Variants in KIDINS220 observed in about 807,000 individuals in gnomAD.
The protein encoded by KIDINS220 is kinase D interacting substrate 220, also known as kinase D-interacting substrate of 220 kDa.
A neutral mutation model predicts 157.6 loss-of-function variants in KIDINS220; 63 were observed. The observed-to-expected ratio is 0.40, with a 90% CI of 0.33 to 0.49. The LOEUF (loss-of-function observed/expected upper bound fraction) is 0.49. KIDINS220 is among the 20% of genes least tolerant of loss of function. KIDINS220 has a pLI of 0.66. For missense variants in KIDINS220, 1,772 were observed against 2,171.2 expected (o/e 0.82, Z 3.65); for synonymous variants, 732 against 783.6 (o/e 0.93, Z 1.10).
chr2:8,732,542 T>C (rs1467057943), intron 29 of KIDINS220, among the ~76,000 whole-genome samples: 1 of 152,216 alleles, frequency 6.6e-6, no homozygotes, highest in Non-Finnish European at 1.5e-5. Context: ...TTATTTCCAA[T>C]ATTAAGTTTT....
At chr2:8,799,804 G>T (rs372225084) in intron 9 of KIDINS220, among the ~76,000 whole-genome samples, 7 of 152,128 alleles carry the variant, frequency 4.6e-5, no homozygotes, top group African/African-American at 1.7e-4. Context: ...AAATGAAGAC[G>T]CCAAGAACTT....
chr2:8,725,078 A>T (rs951083263), downstream of KIDINS220: 1 of 152,164 alleles, frequency 6.6e-6, no homozygotes, highest in Non-Finnish European at 1.5e-5. Flanking sequence ...ATATATGACA[A>T]CCTAAAAAAA....
At chr2:8,726,852 C>G, downstream of KIDINS220, 1 of 1,163,758 alleles carries the variant, frequency 8.6e-7, no homozygotes, top group Non-Finnish European at 1.1e-6. Flanking sequence ...TGGCATATGA[C>G]TGCAGCTGAC....
At chr2:8,781,142 TATATATATA>T (rs1339761117) in intron 17 of KIDINS220, among the ~76,000 whole-genome samples, 4 of 3,584 alleles carry the variant, frequency 1.1e-3, no homozygotes, top group African/African-American at 4.1e-3. Flanking sequence ...TATTAATTAT[TATATATATA>T]TAATATATAT....
chr2:8,772,337 GT>G (rs1333617654), intron 21 of KIDINS220, among the ~76,000 whole-genome samples: 9 of 151,964 alleles, frequency 5.9e-5, no homozygotes, highest in Admixed American at 1.3e-4. Flanking sequence ...TTAGCCGAGC[GT>G]GGTGGCAGGC....
At chr2:8,725,230 C>T (rs1663204624), downstream of KIDINS220, 1 of 152,130 alleles carries the variant, frequency 6.6e-6, no homozygotes, top group Non-Finnish European at 1.5e-5. Context: ...TAAATTCTCA[C>T]AAACACAGCT....
At chr2:8,812,793 A>T (rs1372074097) in intron 5 of KIDINS220, among the ~76,000 whole-genome samples, 1 of 152,222 alleles carries the variant, frequency 6.6e-6, no homozygotes, top group Non-Finnish European at 1.5e-5. Context: ...TTATAAATTC[A>T]ACACATTAAA....
chr2:8,785,083 G>A (rs1273931231), intron 17 of KIDINS220, among the ~76,000 whole-genome samples: 1 of 152,156 alleles, frequency 6.6e-6, no homozygotes, highest in African/African-American at 2.4e-5. Flanking sequence ...AAAAAGAAAT[G>A]AGCTAGCAGG....
At chr2:8,738,358 G>T (rs1327002381) in intron 26 of KIDINS220, among the ~76,000 whole-genome samples, 2 of 152,196 alleles carry the variant, frequency 1.3e-5, no homozygotes, top group Non-Finnish European at 2.9e-5. Context: ...AGTATAAGCA[G>T]AAACGGGATA....
At chr2:8,797,110 A>G (rs1192729860) in intron 10 of KIDINS220, among the ~76,000 whole-genome samples, 2 of 152,224 alleles carry the variant, frequency 1.3e-5, no homozygotes, top group Non-Finnish European at 2.9e-5. Context: ...CGTAAGCTAC[A>G]GCCGGCAGCA....
At chr2:8,775,343 AG>A (rs1236696373) in intron 21 of KIDINS220, among the ~76,000 whole-genome samples, 1 of 152,248 alleles carries the variant, frequency 6.6e-6, no homozygotes. Context: ...CCAAGGTAGC[AG>A]GTCTAGATAG....
intron 22 of KIDINS220, among the ~76,000 whole-genome samples, chr2:8,764,697 GA>G (rs573701266): frequency 1.5e-4 from 23 of 152,292 alleles, no homozygotes; most frequent in African/African-American, 4.6e-4. Context: ...GAAGTATCTG[GA>G]TGGACGGTAT....
intron 17 of KIDINS220, among the ~76,000 whole-genome samples, chr2:8,784,908 A>G (rs13403665): frequency 0.43 from 64,748 of 152,116 alleles, 15,626 homozygotes; most frequent in East Asian, 0.6. Context: ...GTATTTACCC[A>G]AAGGAGTTTT....
Position 8,776,876 on chromosome 2 carries a change from C to T in KIDINS220, c.2720G>A (p.Arg907Lys), listed in dbSNP as rs1282038033. The change falls in exon 21 of 30, where the codon AGG becomes AAG. Residue 907 changes from arginine to lysine, a missense_variant. Transcript: ENST00000256707. ...GCGAGTGATGGTCCTCTGCATCTGC[C>T]TTCTTCGGTAAGTGTCCTGAAACAG... ...ALNRRDTYRR[R>K]QMQRTITRQM... is the part of the protein sequence containing the mutation. 1.2e-6 allele frequency: 2 copies of T among 1,613,710 alleles called. No individual in the cohort carries two copies. Among genetic ancestry groups the T allele is most frequent in the South Asian group, 2.2e-5 (2 of 91,008 alleles).
At chr2:8,807,200 T>C (rs1385748915) in intron 6 of KIDINS220, among the ~76,000 whole-genome samples, 2 of 152,216 alleles carry the variant, frequency 1.3e-5, no homozygotes, top group African/African-American at 2.4e-5. Flanking sequence ...ACAAGACCCA[T>C]GAGCCCTTGA....
chr2:8,744,441 TATATGG>T, intron 26 of KIDINS220, among the ~76,000 whole-genome samples: 1 of 107,516 alleles, frequency 9.3e-6, no homozygotes, highest in Non-Finnish European at 1.8e-5. Context: ...TATATATATA[TATATGG>T]GATCATCTCT....
chr2:8,726,737 ATCTGCAT>A (rs1663358690), downstream of KIDINS220: 1 of 388,788 alleles, frequency 2.6e-6, no homozygotes, highest in African/African-American at 2.1e-5. Context: ...TCACCATGCT[ATCTGCAT>A]GTCTAAACAT....
chr2:8,770,443 C>T (rs1670046496), intron 22 of KIDINS220, among the ~76,000 whole-genome samples: 2 of 151,786 alleles, frequency 1.3e-5, no homozygotes, highest in South Asian at 2.1e-4. Context: ...ACTTTATATA[C>T]CTGAAAAAGG....
rs1664081741 is a variant in KIDINS220 at position 8,731,469 on chromosome 2, C to T, written c.4567G>A (p.Glu1523Lys). The change falls in exon 30 of 30, where the codon GAG becomes AAG. Residue 1523 changes from glutamate to lysine, a missense_variant. By Grantham distance (56) the Glu-to-Lys change is moderately conservative. Around this residue, in one of 3 missense-constraint regions of KIDINS220, gnomAD observed 793 missense variants for 885.5 expected, o/e 0.90. Coordinates refer to ENST00000256707, the MANE Select transcript of KIDINS220 (RefSeq NM_020738.4). This position sits in a 1 kb window ranked among gnomAD's most constrained non-coding sequence, Gnocchi z 5.2. ...GLRYQKLPSD[E>K]DESGTEESDN... ...GATTCTTCTGTGCCAGATTCATCCT[C>T]GTCACTTGGGAGTTTTTGATAGCGC... 6.2e-7 allele frequency: 1 copy of T among 1,614,186 alleles called. No individual in the cohort carries two copies. The highest frequency in any genetic ancestry group is 8.5e-7 in the Non-Finnish European group (1 of 1,180,042).
Sources: gnomAD v4.1 joint callset for allele counts (sites outside exome capture counted in the v4.1 genomes callset) on GRCh38, gnomAD v4.1.1 for gene constraint, gnomAD v4.1.1 regional missense constraint, Gnocchi (gnomAD v3.1) non-coding constraint, MANE v1.5 for transcripts, NCBI Gene and HGNC (gene_info 2026-07-23, HGNC 2026-07-21) for gene names.